The following GSR variants were observed in gnomAD, a reference collection of about 807,000 sequenced individuals.
GSR encodes glutathione-disulfide reductase, also known as glutathione reductase, mitochondrial.
Under a neutral mutation model 56.5 loss-of-function variants are expected in GSR, and 48 were observed. That is an observed-to-expected ratio of 0.85 (90% CI 0.67 to 1.08). GSR has a LOEUF of 1.08. Ranked by LOEUF, GSR falls within the 50% of genes least tolerant of loss-of-function variation. The pLI is 0.00. For missense variants in GSR, 694 were observed against 703.3 expected, an observed-to-expected ratio of 0.99 and a Z score of 0.15; for synonymous variants, 264 against 270.8, an observed-to-expected ratio of 0.97 and a Z score of 0.25.
intron 6 of GSR, among the ~76,000 whole-genome samples, chr8:30,699,799 T>G (rs1438226815): frequency 6.6e-6 from 1 of 152,110 alleles, no homozygotes; most frequent in Admixed American, 6.6e-5. Context: ...TCTTAATTGA[T>G]GCTGTATTAA....
chr8:30,690,154 TA>T (rs1227557482), intron 8 of GSR, among the ~76,000 whole-genome samples: 2 of 106,178 alleles, frequency 1.9e-5, no homozygotes, highest in South Asian at 3.2e-4. Flanking sequence ...ATAAATAAAA[TA>T]ATATATTTAT....
intron 9 of GSR, among the ~76,000 whole-genome samples, chr8:30,685,525 TA>T (rs1345968676): frequency 6.6e-6 from 1 of 152,116 alleles, no homozygotes; most frequent in African/African-American, 2.4e-5. Context: ...CAAAAACACA[TA>T]TTGATGTTTC....
rs142840135 is a variant in GSR at position 30,684,144 on chromosome 8, T to G, written c.1097A>C (p.Asn366Thr). ...HIIVDEFQNT[N>T]VKGIYAVGDV... ...CCCAACTGCATAGATGCCTTTGACG[T>G]TGGTATTCTGGAATTCGTCTACGAT... Residue 366 changes from asparagine to threonine, a missense_variant, in exon 10 of 13, where the codon AAC becomes ACC. By Grantham distance (65) the Asn-to-Thr change is moderately conservative. Transcript: ENST00000221130. The G allele has an allele frequency of 1.9e-6, 3 of 1,610,778 alleles. No individual in the cohort carries two copies. Among genetic ancestry groups the G allele is most frequent in the African/African-American group, 1.3e-5 (1 of 74,836 alleles).
intron 3 of GSR, among the ~76,000 whole-genome samples, chr8:30,708,436 G>C (rs1178114308): frequency 6.6e-6 from 1 of 152,150 alleles, no homozygotes; most frequent in Non-Finnish European, 1.5e-5. Flanking sequence ...CACAGGACGT[G>C]GTGGGCACTT....
intron 1 of GSR, among the ~76,000 whole-genome samples, chr8:30,714,441 T>C (rs1052763507): frequency 2.0e-5 from 3 of 151,878 alleles, no homozygotes; most frequent in African/African-American, 7.3e-5. Context: ...GCTCAAGTGA[T>C]CCACCCGCCT....
At chr8:30,714,202 C>CTTTTTTTTTTTTTTTTTTTTTTTTTTTTT in intron 1 of GSR, among the ~76,000 whole-genome samples, 1 of 63,960 alleles carries the variant, frequency 1.6e-5, no homozygotes, top group Non-Finnish European at 2.7e-5. Flanking sequence ...GTTCTATATG[C>CTTTTTTTTTTTTTTTTTTTTTTTTTTTTT]TTTTTTTTTT....
intron 1 of GSR, among the ~76,000 whole-genome samples, chr8:30,715,751 CA>C (rs1489319020): frequency 6.6e-6 from 1 of 152,152 alleles, no homozygotes; most frequent in Non-Finnish European, 1.5e-5. Flanking sequence ...CAAGAATCAT[CA>C]AAAGCAATCC....
At chr8:30,702,032 T>C (rs1019291050) in intron 5 of GSR, among the ~76,000 whole-genome samples, 10 of 151,454 alleles carry the variant, frequency 6.6e-5, no homozygotes, top group African/African-American at 2.4e-4. Context: ...CAAGACCCTG[T>C]CTCAAAAAAA....
chr8:30,724,834 T>A (rs2911667), intron 1 of GSR, among the ~76,000 whole-genome samples: 122,055 of 152,098 alleles, frequency 0.8, 54,335 homozygotes, highest in Non-Finnish European at 0.98. Context: ...GCCTAGATGG[T>A]TACATTCTTG....
rs1802875311 is a variant in GSR, at chr8:30,679,683, A to G, written c.1420-14T>C. 7 of 1,606,624 alleles carry G rather than the reference A, an allele frequency of 4.4e-6. No homozygotes were observed. In the East Asian group the frequency reaches 1.3e-4, roughly 31 times the overall value. On this transcript the variant is annotated splice_polypyrimidine_tract_variant and intron_variant, in intron 12 of 12. Coordinates refer to ENST00000221130, the MANE Select transcript of GSR (RefSeq NM_000637.5). ...GATCCCAACCACCTGGGAAAAGAAG[A>G]GAAACATTTTCTTTTCTTTCTTCTT...
Position 30,688,541 on chromosome 8 carries a change from T to C in GSR, c.1041+620A>G, listed in dbSNP as rs1386633080. 2.2e-5 allele frequency among the ~76,000 whole-genome samples: 3 copies of C among 137,248 alleles called. 1 individual carries two copies. The highest frequency in any genetic ancestry group is 8.4e-5 in the African/African-American group (3 of 35,654). The allele number at this position is 137,248 out of a possible 152,430, so 90.0% of individuals were successfully genotyped here. ...CTGCAGTGAGCTATGATCATGCCAC[T>C]GTACACTAGCCTGGGTGACAAAGCA... On this transcript the variant is annotated intron_variant, in intron 9 of 12. Coordinates refer to ENST00000221130, the MANE Select transcript of GSR (RefSeq NM_000637.5).
In GSR at chr8:30,682,049, G is replaced by A; in HGVS notation, c.1166C>T (p.Ala389Val). ...KALLTPVAIA[A>V]GRKLAHRLFE... ...AAGTCGATGGGCAAGTTTTCGGCCA[G>A]CAGCTATTGCAACTATGGAGATATT... Residue 389 changes from alanine (A) to valine (V), a missense_variant, in exon 11 of 13, where the codon GCT becomes GTT. By Grantham distance (64) the Ala-to-Val change is moderately conservative (BLOSUM62 0). Coordinates refer to ENST00000221130, the MANE Select transcript of GSR (RefSeq NM_000637.5). 6.2e-7 allele frequency: 1 copy of A among 1,612,496 alleles called. No homozygotes were observed. The highest frequency in any genetic ancestry group is 1.3e-5 in the African/African-American group (1 of 74,998).
rs986993768 is a variant in GSR, at chr8:30,708,111, C to T, written c.453G>A (p.Val151=). 1 of 1,613,498 alleles carries T rather than the reference C, an allele frequency of 6.2e-7. No individual in the cohort carries two copies. Among genetic ancestry groups the T allele is most frequent in the African/African-American group, 1.3e-5 (1 of 74,914 alleles). Residue 151 remains valine (V), a synonymous_variant, in exon 4 of 13, where the codon GTG becomes GTA. Coordinates refer to ENST00000221130, the MANE Select transcript of GSR (RefSeq NM_000637.5). ...TTTGATAGATGGCATTCAGGCGGCT[C>T]ACATAGGCATCCCGCTTTTCCTTAA... is the stretch of plus-strand genomic sequence containing the variant. ...RVIKEKRDAY[V]SRLNAIYQNN...
At chr8:30,723,828 G>A (rs1804637034) in intron 1 of GSR, among the ~76,000 whole-genome samples, 1 of 151,286 alleles carries the variant, frequency 6.6e-6, no homozygotes, top group South Asian at 2.1e-4. Flanking sequence ...ACCCAGGTCT[G>A]CTGGGACCTA....
At chr8:30,707,226 A>G (rs566842191) in intron 4 of GSR, 32 of 152,334 alleles carry the variant, frequency 2.1e-4, no homozygotes, top group African/African-American at 7.5e-4. Context: ...AGTCTCTCGT[A>G]TGTGACTTCT....
intron 2 of GSR, among the ~76,000 whole-genome samples, chr8:30,710,515 G>A (rs375472410): frequency 1.3e-5 from 2 of 150,750 alleles, no homozygotes; most frequent in Non-Finnish European, 3.0e-5. Flanking sequence ...TCAGGAGTTC[G>A]AGACCATCTT....
intron 4 of GSR, 111 bp from the exon 5 acceptor site, chr8:30,703,351 T>C (rs1803813919): frequency 2.0e-6 from 2 of 1,024,362 alleles, no homozygotes; most frequent in African/African-American, 3.1e-5. Context: ...CTTGGTTTGC[T>C]GATGCCAACA....
At chr8:30,686,811 G>T (rs1487664742) in intron 9 of GSR, among the ~76,000 whole-genome samples, 4 of 150,958 alleles carry the variant, frequency 2.6e-5, no homozygotes, top group African/African-American at 4.9e-5. Context: ...GTTTTTTGTT[G>T]TTGTTGTTTT....
chr8:30,690,016 T>C (rs1427477749), intron 8 of GSR, among the ~76,000 whole-genome samples: 1 of 137,050 alleles, frequency 7.3e-6, no homozygotes, highest in African/African-American at 2.6e-5. Context: ...ATATATTATA[T>C]AATACGTATA....
Sources: allele counts gnomAD v4.1 joint callset (sites outside exome capture counted in the v4.1 genomes callset), GRCh38; gene constraint gnomAD v4.1.1; transcripts MANE v1.5; gene names NCBI Gene and HGNC (gene_info 2026-07-23, HGNC 2026-07-21).